The following FBXW8 variants were observed in gnomAD, a reference collection of about 807,000 sequenced individuals.
FBXW8 encodes F-box and WD repeat domain containing 8.
In FBXW8, 57 loss-of-function variants were observed where a neutral mutation model predicts 65.3. The ratio of observed to expected loss-of-function variants is 0.87; its 90% confidence interval spans 0.71 to 1.09. The LOEUF (loss-of-function observed/expected upper bound fraction) is 1.09. FBXW8 is among the 50% of genes least tolerant of loss of function. The probability of loss-of-function intolerance (pLI) is 0.00; values close to 1 mark genes in which losing one functional copy is unlikely to be tolerated. For synonymous variants in FBXW8, 308 were observed against 330.2 expected (o/e 0.93, Z 0.73); for missense variants, 777 against 814.8 (o/e 0.95, Z 0.57).
chr12:117,006,089 G>C (rs2135703787), intron 7 of FBXW8, among the ~76,000 whole-genome samples: 2 of 152,364 alleles, frequency 1.3e-5, no homozygotes, highest in South Asian at 4.1e-4. Context: ...TGGACAGACA[G>C]TGCTGGGCTT....
At position 117,004,123 on chromosome 12, in the gene FBXW8, A is replaced by G. The variant is rs909815186; in HGVS notation, c.1240-6200A>G. Reference sequence around the variant, plus strand: ...CTCTCTGTCTGTTGCATTCCGCCCAATTCCTCAACTCGGTATTCCAGTCCA... The same window carrying G: ...CTCTCTGTCTGTTGCATTCCGCCCAGTTCCTCAACTCGGTATTCCAGTCCA... On this transcript the variant is annotated intron_variant, in intron 7 of 10. Transcript: ENST00000652555. Among the ~76,000 whole-genome samples the G allele has an allele frequency of 5.9e-5, 9 of 152,106 alleles. No homozygotes were observed. The East Asian group carries it at 7.7e-4, about 13-fold the overall frequency.
chr12:117,014,933 C>T (rs1025270324), intron 8 of FBXW8, among the ~76,000 whole-genome samples: 3 of 152,184 alleles, frequency 2.0e-5, no homozygotes, highest in Non-Finnish European at 4.4e-5. Flanking sequence ...CCTTACAGTT[C>T]TCTGGTCAGA....
rs539607826 is a variant in FBXW8 at position 116,980,613 on chromosome 12, TTA to T, written c.836-4589_836-4588del. ...ATAACACTTGACCTTTCAAATGAAT[TTA>T]TATCAGATTTAAAAAAAAATACCTA... On this transcript the variant is annotated intron_variant, in intron 5 of 10. Coordinates refer to ENST00000652555, the MANE Select transcript of FBXW8 (RefSeq NM_153348.3). Among the ~76,000 whole-genome samples, 3 of 152,286 alleles carry T rather than the reference TTA, an allele frequency of 2.0e-5. No individual in the cohort carries two copies. In the South Asian group the frequency reaches 6.2e-4, roughly 32 times the overall value.
chr12:116,938,548 TA>T (rs1882320281), intron 2 of FBXW8, among the ~76,000 whole-genome samples: 1 of 152,224 alleles, frequency 6.6e-6, no homozygotes, highest in Non-Finnish European at 1.5e-5. Context: ...TTGAAACTGT[TA>T]GAAAAAGCTG....
intron 5 of FBXW8, among the ~76,000 whole-genome samples, chr12:116,982,120 A>G (rs1044536841): frequency 6.6e-6 from 1 of 152,234 alleles, no homozygotes; most frequent in Non-Finnish European, 1.5e-5. Flanking sequence ...AGAGGAGAAA[A>G]GGGAGCAAAG....
intron 8 of FBXW8, among the ~76,000 whole-genome samples, chr12:117,019,466 T>A (rs549921489): frequency 3.9e-5 from 6 of 152,300 alleles, no homozygotes; most frequent in East Asian, 3.9e-4. Context: ...GCTACCTGTT[T>A]CCCAGCGTTG....
At chr12:117,001,487 G>A (rs1391931173) in intron 7 of FBXW8, among the ~76,000 whole-genome samples, 2 of 152,104 alleles carry the variant, frequency 1.3e-5, no homozygotes, top group African/African-American at 4.8e-5. Flanking sequence ...AGTCCTGTCG[G>A]CATACAGATA....
At chr12:116,994,285 G>A (rs558070665) in intron 7 of FBXW8, among the ~76,000 whole-genome samples, 2 of 152,158 alleles carry the variant, frequency 1.3e-5, no homozygotes, top group Non-Finnish European at 2.9e-5. Context: ...AAGTAGATAC[G>A]CAGACCAATG....
Position 117,027,403 on chromosome 12 carries a change from G to A in FBXW8, c.1551G>A (p.Val517=), listed in dbSNP as rs1319141910. ...KLWEVYSGHP[V]QHISFSSHSL... ...TCCCACTGCCTTCCAGGCACCCGGT[G>A]CAGCACATCTCATTCAGCAGCCACA... Residue 517 remains valine, a synonymous_variant, in exon 10 of 11, where the codon GTG becomes GTA. Coordinates refer to ENST00000652555, the MANE Select transcript of FBXW8 (RefSeq NM_153348.3). 6.2e-7 allele frequency: 1 copy of A among 1,613,876 alleles called. No homozygotes were observed. The highest frequency in any genetic ancestry group is 8.5e-7 in the Non-Finnish European group (1 of 1,180,026).
chr12:117,028,408 C>T lies in FBXW8; in HGVS notation c.*236C>T. 1 of 558,914 alleles carries T rather than the reference C, an allele frequency of 1.8e-6. No homozygotes were observed. The highest frequency in any genetic ancestry group is 3.2e-6 in the Non-Finnish European group (1 of 315,450). 34.6% of individuals were successfully genotyped at this position (558,914 alleles called of 1,614,324 possible). A position where few individuals can be genotyped will look rare whatever the true frequency, so the allele number is the denominator to read the frequency against. On this transcript the variant is annotated 3_prime_UTR_variant, in exon 11 of 11. Transcript: ENST00000652555. This position sits in a 1 kb window ranked among gnomAD's most constrained non-coding sequence, Gnocchi z 4.1. The stretch of plus-strand genomic sequence containing the variant: ...TGCCAACTCAAACATAGCCTCCTTC[C>T]CCACCCAGCTGGCCACCCTGGCCTC...
intron 7 of FBXW8, among the ~76,000 whole-genome samples, chr12:116,998,588 G>A (rs1953437193): frequency 6.6e-6 from 1 of 152,210 alleles, no homozygotes; most frequent in South Asian, 2.1e-4. Flanking sequence ...TCACAGATGT[G>A]TATGGCTTTG....
In FBXW8 at chr12:117,024,158, A is replaced by G. The variant is rs1954166986; in HGVS notation, c.1379A>G (p.His460Arg). The G allele has an allele frequency of 1.2e-6, 2 of 1,613,578 alleles. No homozygotes were observed. Among genetic ancestry groups the G allele is most frequent in the African/African-American group, 2.7e-5 (2 of 74,892 alleles). ...SGNMDGRVRI[H>R]DLRSGNIALS... ...CTGGGCCTGTCCAGGGTGAGGATCCACGACCTCCGCAGTGGTAACATCGCC... is the reference window on the plus strand; with the variant it reads ...CTGGGCCTGTCCAGGGTGAGGATCCGCGACCTCCGCAGTGGTAACATCGCC... The change falls in exon 9 of 11, where the codon CAC becomes CGC. Residue 460 changes from histidine to arginine, a missense_variant. His to Arg is a conservative substitution (Grantham distance 29). Coordinates refer to ENST00000652555, the MANE Select transcript of FBXW8 (RefSeq NM_153348.3).
chr12:116,973,993 T>C (rs528386561), intron 5 of FBXW8, among the ~76,000 whole-genome samples: 1 of 152,340 alleles, frequency 6.6e-6, no homozygotes, highest in African/African-American at 2.4e-5. Flanking sequence ...GGAAAATAAG[T>C]AGCCCATGGC....
At chr12:116,933,221 G>A (rs949932047) in intron 2 of FBXW8, among the ~76,000 whole-genome samples, 7 of 152,346 alleles carry the variant, frequency 4.6e-5, no homozygotes, top group South Asian at 2.1e-4. Flanking sequence ...GCTGTTAGCC[G>A]AAGTCTTGGA....
intron 1 of FBXW8, among the ~76,000 whole-genome samples, chr12:116,920,102 G>A (rs935529129): frequency 3.9e-5 from 6 of 152,174 alleles, no homozygotes; most frequent in African/African-American, 1.4e-4. Flanking sequence ...CTCAGCTTGA[G>A]TTCTGTCTCC....
rs546333211 is a variant in FBXW8, at chr12:116,974,878, G to A, written c.835+10024G>A. On this transcript the variant is annotated intron_variant, in intron 5 of 10. Transcript: ENST00000652555. The stretch of plus-strand genomic sequence containing the variant: ...ACAAGATGAATCTGGAACATTTTAT[G>A]GGACCCAAAAGTAAGGATGTTTAAA... 2.0e-5 allele frequency among the ~76,000 whole-genome samples: 3 copies of A among 152,318 alleles called. No individual in the cohort carries two copies. The East Asian group carries it at 5.8e-4, about 29-fold the overall frequency.
chr12:116,918,812 A>G (rs866174305), intron 1 of FBXW8, among the ~76,000 whole-genome samples: 33 of 152,180 alleles, frequency 2.2e-4, no homozygotes, highest in Non-Finnish European at 1.5e-4. Context: ...TTGGGCAGGA[A>G]AAAAGAGCAA....
At chr12:116,986,462 A>G (rs1885681195) in intron 6 of FBXW8, 1 of 152,252 alleles carries the variant, frequency 6.6e-6, no homozygotes, top group African/African-American at 2.4e-5. Flanking sequence ...CCACGTCTCT[A>G]CTAAAAATAC....
intron 5 of FBXW8, among the ~76,000 whole-genome samples, chr12:116,981,711 T>C (rs1885318167): frequency 6.6e-6 from 1 of 151,978 alleles, no homozygotes; most frequent in African/African-American, 2.4e-5. Flanking sequence ...CCTCCCAGGT[T>C]CAAGCAATTC....
Sources: gnomAD v4.1 joint callset for allele counts (sites outside exome capture counted in the v4.1 genomes callset) on GRCh38, gnomAD v4.1.1 for gene constraint, Gnocchi (gnomAD v3.1) non-coding constraint, MANE v1.5 for transcripts, NCBI Gene and HGNC (gene_info 2026-07-23, HGNC 2026-07-21) for gene names.